UBAP2L: variants seen among roughly 807,000 people sequenced by gnomAD.
UBAP2L encodes ubiquitin-associated protein 2-like.
A neutral mutation model predicts 130.6 loss-of-function variants in UBAP2L; 12 were observed. The observed-to-expected ratio is 0.09, with a 90% CI of 0.06 to 0.15. The LOEUF (loss-of-function observed/expected upper bound fraction) is 0.15. Ranked by LOEUF, UBAP2L falls within the 10% of genes least tolerant of loss-of-function variation. UBAP2L has a pLI of 1.00. For synonymous variants in UBAP2L, 503 were observed against 524.7 expected, an observed-to-expected ratio of 0.96 and a Z score of 0.57; for missense variants, 965 against 1,332.5, an observed-to-expected ratio of 0.72 and a Z score of 4.29.
intron 23 of UBAP2L, 53 bp downstream of exon 23, chr1:154,261,162 A>G (rs979841212): frequency 1.9e-6 from 3 of 1,560,092 alleles, no homozygotes. Context: ...AGCCCTGGAC[A>G]CTATCCTAGC....
intron 10 of UBAP2L, among the ~76,000 whole-genome samples, chr1:154,244,805 T>C (rs773909117): frequency 2.0e-5 from 3 of 152,208 alleles, no homozygotes; most frequent in African/African-American, 2.4e-5. Flanking sequence ...CTTATTGTTA[T>C]GAGTTTTATT....
In UBAP2L at chr1:154,270,320, C is replaced by T; in HGVS notation, c.*25C>T. ...AGGCCCTGACCCTCTTCTCCCGGTCCCATCTTCTGAGAGGGCTTCTCAGCC... is the reference window on the plus strand; with the variant it reads ...AGGCCCTGACCCTCTTCTCCCGGTCTCATCTTCTGAGAGGGCTTCTCAGCC... On this transcript the variant is annotated 3_prime_UTR_variant, in exon 27 of 27. Coordinates refer to ENST00000428931, the MANE Select transcript of UBAP2L (RefSeq NM_014847.4). The T allele has an allele frequency of 1.2e-6, 2 of 1,613,696 alleles. No individual in the cohort carries two copies. The highest frequency in any genetic ancestry group is 1.7e-6 in the Non-Finnish European group (2 of 1,179,842).
At position 154,255,547 on chromosome 1, in the gene UBAP2L, A is replaced by C; in HGVS notation, c.2085-136A>C. 3 of 1,182,584 alleles carry C rather than the reference A, an allele frequency of 2.5e-6. No homozygotes were observed. The South Asian group carries it at 4.0e-5, about 16-fold the overall frequency. The allele number at this position is 1,182,584 out of a possible 1,614,324, so 73.3% of individuals were successfully genotyped here. ...AACTGCTCTCTACCCCTGGCTGGCC[A>C]TTGTGCTTAACATATGATCTCAGAC... On this transcript the variant is annotated intron_variant, in intron 17 of 26. Coordinates refer to ENST00000428931, the MANE Select transcript of UBAP2L (RefSeq NM_014847.4).
chr1:154,234,171 T>TG (rs1434513187), intron 4 of UBAP2L, among the ~76,000 whole-genome samples: 1 of 152,068 alleles, frequency 6.6e-6, no homozygotes, highest in African/African-American at 2.4e-5. Flanking sequence ...GAGACCAGCC[T>TG]GGCCAACGTG....
At chr1:154,240,203 C>G (rs1673062161) in intron 8 of UBAP2L, among the ~76,000 whole-genome samples, 1 of 152,124 alleles carries the variant, frequency 6.6e-6, no homozygotes, top group African/African-American at 2.4e-5. Flanking sequence ...TAAGGGTGCT[C>G]TTGTCCCTTC....
At chr1:154,249,836 GGT>G (rs1003139818) in intron 12 of UBAP2L, among the ~76,000 whole-genome samples, 6 of 150,382 alleles carry the variant, frequency 4.0e-5, no homozygotes, top group African/African-American at 1.5e-4. Context: ...CCCTAGTGAG[GGT>G]GAGCTAGTGT....
At chr1:154,255,051 ACT>A in intron 16 of UBAP2L, 99 bp from the exon 17 acceptor site, 1 of 1,443,590 alleles carries the variant, frequency 6.9e-7, no homozygotes, top group Non-Finnish European at 9.4e-7. Context: ...TTGTTAAATA[ACT>A]CATCCTTTTG....
chr1:154,267,880 CTTTTTTTTTTTT>C (rs869153080), intron 25 of UBAP2L, among the ~76,000 whole-genome samples: 16 of 52,082 alleles, frequency 3.1e-4, no homozygotes, highest in Non-Finnish European at 4.3e-4. Flanking sequence ...CTTATTTGGT[CTTTTTTTTTTTT>C]TTTTTTTTTT....
intron 21 of UBAP2L, 104 bp downstream of exon 21, chr1:154,259,134 A>G (rs1218529187): frequency 9.9e-7 from 1 of 1,013,362 alleles, no homozygotes; most frequent in Non-Finnish European, 1.5e-6. Context: ...CCAGCCCTCC[A>G]TACACTCTGA....
chr1:154,247,477 G>A (rs1675905227), intron 11 of UBAP2L, among the ~76,000 whole-genome samples: 1 of 152,156 alleles, frequency 6.6e-6, no homozygotes, highest in Admixed American at 6.6e-5. Context: ...ATAAATGACT[G>A]GAAAATGTGA....
intron 24 of UBAP2L, chr1:154,263,179 TTG>T (rs991516357): frequency 2.8e-5 from 43 of 1,551,480 alleles, no homozygotes; most frequent in Admixed American, 3.9e-5. Flanking sequence ...GGGCTGTGTT[TTG>T]TGTGTGTGTA....
Position 154,251,731 on chromosome 1 carries a change from C to T in UBAP2L, c.1664+78C>T, listed in dbSNP as rs1677663799. On this transcript the variant is annotated intron_variant, in intron 14 of 26. Coordinates refer to ENST00000428931, the MANE Select transcript of UBAP2L (RefSeq NM_014847.4). ...TAATCTGTGGGAGATTTCTAGAACT[C>T]TGGAGAGGCCAAGCCCCTCTGCATG... The T allele has an allele frequency of 3.9e-6, 6 of 1,543,192 alleles. No individual in the cohort carries two copies. In the Admixed American group the frequency reaches 9.2e-5, roughly 24 times the overall value.
chr1:154,266,690 C>G, intron 25 of UBAP2L, 122 bp downstream of exon 25: 1 of 1,020,394 alleles, frequency 9.8e-7, no homozygotes, highest in Non-Finnish European at 1.5e-6. Context: ...ACCCATCCTA[C>G]TTTTTCTAAA....
Position 154,251,140 on chromosome 1 carries a change from A to G in UBAP2L, c.1313A>G (p.Lys438Arg). The G allele has an allele frequency of 6.2e-7, 1 of 1,614,146 alleles. No individual in the cohort carries two copies. The highest frequency in any genetic ancestry group is 8.5e-7 in the Non-Finnish European group (1 of 1,180,044). ...STMMEVFLQE[K>R]SPAVATSTAA... is the part of the protein sequence containing the mutation. ...ATGATGGAGGTGTTCCTTCAGGAGA[A>G]GTCACCTGCAGTGGCTACCTCCACA... Residue 438 changes from lysine (K) to arginine (R), a missense_variant, in exon 13 of 27, where the codon AAG becomes AGG. Lys to Arg is a conservative substitution (Grantham distance 26). Transcript: ENST00000428931.
rs1287650696 is a variant in UBAP2L, at chr1:154,235,275, C to T, written c.528C>T (p.Gly176=). The change falls in exon 6 of 27, where the codon GGC becomes GGT. Residue 176 remains glycine, a synonymous_variant. Transcript: ENST00000428931. ...SGRGTERGRR[G]RGRGRGGSGR... ...GAGGAACAGAAAGAGGCAGAAGGGGCCGTGGCCGAGGCAGAGGTGATCAGT... is the reference window on the plus strand; with the variant it reads ...GAGGAACAGAAAGAGGCAGAAGGGGTCGTGGCCGAGGCAGAGGTGATCAGT... The T allele has an allele frequency of 1.3e-6, 1 of 777,472 alleles. No individual in the cohort carries two copies. Among genetic ancestry groups the T allele is most frequent in the Admixed American group, 1.7e-5 (1 of 58,118 alleles). The allele number at this position is 777,472 out of a possible 1,614,324, so 48.2% of individuals were successfully genotyped here.
intron 2 of UBAP2L, among the ~76,000 whole-genome samples, chr1:154,225,581 C>T (rs1163763211): frequency 3.3e-5 from 5 of 152,048 alleles, no homozygotes; most frequent in South Asian, 2.1e-4. Flanking sequence ...GTGATCCTCC[C>T]GCCTCAGCCT....
chr1:154,246,146 T>C (rs1675401641), intron 10 of UBAP2L, 58 bp from the exon 11 acceptor site: 3 of 1,534,920 alleles, frequency 2.0e-6, no homozygotes, highest in Non-Finnish European at 8.8e-7. Flanking sequence ...ATTTGAGTGT[T>C]GGGGAATGTT....
At position 154,251,105 on chromosome 1, in the gene UBAP2L, A is replaced by G; in HGVS notation, c.1278A>G (p.Pro426=). The G allele has an allele frequency of 6.2e-7, 1 of 1,614,084 alleles. No homozygotes were observed. The highest frequency in any genetic ancestry group is 8.5e-7 in the Non-Finnish European group (1 of 1,180,014). Residue 426 remains proline (P), a synonymous_variant, in exon 13 of 27, where the codon CCA becomes CCG. Transcript: ENST00000428931. ...TTACAAAGCGCCAGGCTTTTACCCC[A>G]TCTTCAACCATGATGGAGGTGTTCC... The part of the protein sequence containing the change: ...SPFTKRQAFT[P]SSTMMEVFLQ...
chr1:154,220,587 G>C (rs1265500877), upstream of UBAP2L: 3 of 632,432 alleles, frequency 4.7e-6, no homozygotes, highest in East Asian at 8.2e-5. Flanking sequence ...AGCTGGGAAA[G>C]GAGAACGACG....
Sources: gnomAD v4.1 joint callset for allele counts (sites outside exome capture counted in the v4.1 genomes callset) on GRCh38, gnomAD v4.1.1 for gene constraint, MANE v1.5 for transcripts, NCBI Gene and HGNC (gene_info 2026-07-23, HGNC 2026-07-21) for gene names.